Variants in COL25A1 observed in about 807,000 individuals in gnomAD.
COL25A1 encodes collagen alpha-1(XXV) chain.
Under a neutral mutation model 128.4 loss-of-function variants are expected in COL25A1, and 103 were observed. The observed-to-expected ratio is 0.80, with a 90% confidence interval of 0.68 to 0.94. The LOEUF is 0.94. COL25A1 is among the 40% of genes least tolerant of loss of function. The pLI is 0.00. For synonymous variants in COL25A1, 279 were observed against 277.2 expected (o/e 1.01, Z -0.06); for missense variants, 745 against 840.0 (o/e 0.89, Z 1.40).
chr4:108,925,140 T>C (rs1359745138), intron 11 of COL25A1, among the ~76,000 whole-genome samples: 2 of 152,132 alleles, frequency 1.3e-5, no homozygotes, highest in African/African-American at 4.8e-5. Context: ...GAATTCTCTT[T>C]TGTCTACAAA....
chr4:108,984,837 G>T (rs143731173), intron 6 of COL25A1, among the ~76,000 whole-genome samples: 1,539 of 152,356 alleles, frequency 0.01, 20 homozygotes, highest in African/African-American at 0.034. Flanking sequence ...CTCAAGTGCC[G>T]CCAAAGTGGG....
intron 36 of COL25A1, among the ~76,000 whole-genome samples, chr4:108,818,569 A>G (rs766990066): frequency 5.3e-5 from 8 of 152,198 alleles, no homozygotes; most frequent in Non-Finnish European, 8.8e-5. Flanking sequence ...AGATTTTAGT[A>G]TCAGGAGGAT....
intron 3 of COL25A1, among the ~76,000 whole-genome samples, chr4:109,167,105 C>T (rs958446568): frequency 2.6e-5 from 4 of 152,074 alleles, no homozygotes; most frequent in Non-Finnish European, 4.4e-5. Context: ...AAAATGAGAA[C>T]ATTGCCCTGT....
chr4:108,825,328 A>G, intron 33 of COL25A1, 106 bp from the exon 34 acceptor site: 1 of 839,880 alleles, frequency 1.2e-6, no homozygotes. Flanking sequence ...TAGAACAACT[A>G]CTTCAGAAAT....
intron 32 of COL25A1, among the ~76,000 whole-genome samples, chr4:108,830,769 G>T (rs984889401): frequency 6.6e-6 from 1 of 152,372 alleles, no homozygotes; most frequent in Non-Finnish European, 1.5e-5. Context: ...TTTACCACAC[G>T]GTAAACCCTC....
chr4:109,154,921 T>C (rs987695797), intron 3 of COL25A1, among the ~76,000 whole-genome samples: 1 of 152,160 alleles, frequency 6.6e-6, no homozygotes, highest in Non-Finnish European at 1.5e-5. Flanking sequence ...GGCAAATATA[T>C]CTTTAGCTAT....
intron 5 of COL25A1, among the ~76,000 whole-genome samples, chr4:109,041,371 T>TA (rs1380930686): frequency 7.9e-5 from 10 of 126,912 alleles, no homozygotes; most frequent in Admixed American, 2.7e-4. Context: ...ACCCCCTTTT[T>TA]TAAAAAAAAA....
At chr4:108,834,032 T>A (rs563894987) in intron 31 of COL25A1, among the ~76,000 whole-genome samples, 1 of 152,312 alleles carries the variant, frequency 6.6e-6, no homozygotes, top group South Asian at 2.1e-4. Flanking sequence ...GTCTGTCTAT[T>A]GGTTCTGGAA....
intron 19 of COL25A1, among the ~76,000 whole-genome samples, chr4:108,869,442 T>G (rs1254707900): frequency 6.6e-6 from 1 of 152,160 alleles, no homozygotes; most frequent in Admixed American, 6.5e-5. Flanking sequence ...AATTTGTAGC[T>G]GAGTCAGACA....
At position 108,810,029 on chromosome 4, in the gene COL25A1, AAAC is replaced by A. The variant is rs1047399424; in HGVS notation, c.*3895_*3897del. 3 of 152,012 alleles carry A rather than the reference AAAC, an allele frequency of 2.0e-5. No homozygotes were observed. The highest frequency in any genetic ancestry group is 2.9e-5 in the Non-Finnish European group (2 of 67,874). 9.4% of individuals were successfully genotyped at this position (152,012 alleles called of 1,614,324 possible). Reference sequence around the variant, plus strand: ...AATTTGATTATTAGGAAGTAAGAAAAAACAAGATTTCAAATATTAGCATCTGTA... The same window carrying A: ...AATTTGATTATTAGGAAGTAAGAAAAAAGATTTCAAATATTAGCATCTGTA... On this transcript the variant is annotated 3_prime_UTR_variant, in exon 38 of 38. Coordinates refer to ENST00000399132, the MANE Select transcript of COL25A1 (RefSeq NM_198721.4).
intron 3 of COL25A1, among the ~76,000 whole-genome samples, chr4:109,200,029 A>G (rs767490252): frequency 6.6e-6 from 1 of 152,238 alleles, no homozygotes; most frequent in Non-Finnish European, 1.5e-5. Flanking sequence ...ACTAACTGAC[A>G]CACACCTTCT....
intron 3 of COL25A1, among the ~76,000 whole-genome samples, chr4:109,215,369 C>T (rs371626133): frequency 7.5e-4 from 114 of 152,194 alleles, no homozygotes; most frequent in South Asian, 4.8e-3. Flanking sequence ...TAGCTCACAA[C>T]AATATTTTCC....
At chr4:109,130,373 A>G (rs1017998824) in intron 3 of COL25A1, among the ~76,000 whole-genome samples, 5 of 152,334 alleles carry the variant, frequency 3.3e-5, no homozygotes, top group African/African-American at 1.2e-4. Context: ...ACATTAAAGA[A>G]TTATAAATAG....
At chr4:108,855,253 G>A (rs1266682877) in intron 24 of COL25A1, among the ~76,000 whole-genome samples, 1 of 147,820 alleles carries the variant, frequency 6.8e-6, no homozygotes, top group Non-Finnish European at 1.5e-5. Context: ...TGGGGGCAAG[G>A]TTATAAGAAA....
intron 3 of COL25A1, among the ~76,000 whole-genome samples, chr4:109,117,888 C>T (rs2126048612): frequency 6.6e-6 from 1 of 151,708 alleles, no homozygotes; most frequent in South Asian, 2.1e-4. Context: ...GGAGCAACTA[C>T]TTAAAACCAG....
chr4:109,091,415 C>T (rs780346703), intron 3 of COL25A1, among the ~76,000 whole-genome samples: 1 of 152,188 alleles, frequency 6.6e-6, no homozygotes, highest in Non-Finnish European at 1.5e-5. Flanking sequence ...AAAACCACGA[C>T]AACAATTGTC....
intron 3 of COL25A1, among the ~76,000 whole-genome samples, chr4:109,191,157 C>T (rs923995015): frequency 6.6e-6 from 1 of 152,164 alleles, no homozygotes; most frequent in African/African-American, 2.4e-5. Context: ...AGCCACAAAC[C>T]ATGCTTCTTG....
chr4:108,916,454 GAC>G (rs1744881025), intron 13 of COL25A1, among the ~76,000 whole-genome samples: 1 of 152,048 alleles, frequency 6.6e-6, no homozygotes, highest in Non-Finnish European at 1.5e-5. Flanking sequence ...GAGTGTATGT[GAC>G]AGTTTTAAAG....
intron 6 of COL25A1, among the ~76,000 whole-genome samples, chr4:108,994,385 C>T (rs926494242): frequency 7.2e-5 from 11 of 152,228 alleles, no homozygotes; most frequent in African/African-American, 2.7e-4. Flanking sequence ...ACCTGCGAGG[C>T]TGCAGCTTGA....
Sources: allele counts gnomAD v4.1 joint callset (sites outside exome capture counted in the v4.1 genomes callset), GRCh38; gene constraint gnomAD v4.1.1; transcripts MANE v1.5; gene names NCBI Gene and HGNC (gene_info 2026-07-23, HGNC 2026-07-21).